The following SLC24A2 variants were observed in gnomAD, a reference collection of about 807,000 sequenced individuals.
SLC24A2 encodes the protein sodium/potassium/calcium exchanger 2.
A neutral mutation model predicts 62.0 loss-of-function variants in SLC24A2; 36 were observed. The observed-to-expected ratio is 0.58, with a 90% CI of 0.44 to 0.77. The LOEUF (loss-of-function observed/expected upper bound fraction) is 0.77, where lower values mean the gene tolerates loss of function less well. SLC24A2 is among the 30% of genes least tolerant of loss of function. The pLI, the probability that SLC24A2 is intolerant of heterozygous loss-of-function variation, is 0.00. For synonymous variants in SLC24A2, 358 were observed against 294.0 expected, an observed-to-expected ratio of 1.22 and a Z score of -2.23; for missense variants, 846 against 817.9, an observed-to-expected ratio of 1.03 and a Z score of -0.42.
At chr9:19,522,617 G>A (rs1833255721) in intron 9 of SLC24A2, among the ~76,000 whole-genome samples, 1 of 152,146 alleles carries the variant, frequency 6.6e-6, no homozygotes, top group Admixed American at 6.5e-5. Flanking sequence ...AGCTTACCCT[G>A]TCCTCATGGG....
the SLC24A2 span, among the ~76,000 whole-genome samples, chr9:20,301,343 G>T: frequency 6.6e-6 from 1 of 151,866 alleles, no homozygotes; most frequent in Non-Finnish European, 1.5e-5. Flanking sequence ...TATAAAAATG[G>T]TATAGGTTCA....
the SLC24A2 span, among the ~76,000 whole-genome samples, chr9:19,982,809 TA>T: frequency 6.6e-6 from 1 of 152,096 alleles, no homozygotes; most frequent in Non-Finnish European, 1.5e-5. Flanking sequence ...TGAGAACATG[TA>T]AAAGGCTTAT....
At chr9:20,236,012 G>A in the SLC24A2 span, among the ~76,000 whole-genome samples, 14 of 152,302 alleles carry the variant, frequency 9.2e-5, no homozygotes, top group Admixed American at 5.9e-4. Context: ...CTCAATTGAT[G>A]TTTGTTGAAT....
At chr9:20,046,292 G>C in the SLC24A2 span, among the ~76,000 whole-genome samples, 1 of 152,312 alleles carries the variant, frequency 6.6e-6, no homozygotes, top group Admixed American at 6.5e-5. Context: ...TCTGAAGTAA[G>C]TAAGGAAAGA....
the SLC24A2 span, among the ~76,000 whole-genome samples, chr9:20,049,161 C>A: frequency 4.6e-5 from 7 of 152,186 alleles, no homozygotes; most frequent in African/African-American, 1.7e-4. Flanking sequence ...AGATGGGCAG[C>A]AAACTCTATT....
the SLC24A2 span, among the ~76,000 whole-genome samples, chr9:20,053,054 G>C: frequency 6.6e-6 from 1 of 152,166 alleles, no homozygotes; most frequent in Admixed American, 6.5e-5. Flanking sequence ...ATTTGAAACT[G>C]ACTGAGATAT....
chr9:19,763,445 C>T (rs1822409281), intron 2 of SLC24A2, among the ~76,000 whole-genome samples: 1 of 152,178 alleles, frequency 6.6e-6, no homozygotes, highest in African/African-American at 2.4e-5. Context: ...ATGATATTGG[C>T]TGTGAGTTTG....
chr9:19,819,690 T>TA, the SLC24A2 span, among the ~76,000 whole-genome samples: 223 of 151,676 alleles, frequency 1.5e-3, no homozygotes, highest in East Asian at 0.011. Context: ...ATGGCCATAA[T>TA]AAAAAAACCA....
At chr9:20,141,146 A>C in the SLC24A2 span, among the ~76,000 whole-genome samples, 3 of 152,264 alleles carry the variant, frequency 2.0e-5, no homozygotes, top group East Asian at 3.9e-4. Flanking sequence ...CATGTCTACA[A>C]ATTGAAAACC....
chr9:19,877,785 G>T, the SLC24A2 span, among the ~76,000 whole-genome samples: 1 of 152,054 alleles, frequency 6.6e-6, no homozygotes, highest in African/African-American at 2.4e-5. Flanking sequence ...GATATTAAAG[G>T]GAACAGTGAA....
At chr9:20,211,241 G>A in the SLC24A2 span, among the ~76,000 whole-genome samples, 1 of 152,062 alleles carries the variant, frequency 6.6e-6, no homozygotes, top group Non-Finnish European at 1.5e-5. Context: ...GGCCGGGCGC[G>A]GTGGCTCACA....
intron 2 of SLC24A2, among the ~76,000 whole-genome samples, chr9:19,673,700 T>C (rs1338156034): frequency 1.3e-5 from 2 of 152,220 alleles, no homozygotes; most frequent in Non-Finnish European, 2.9e-5. Flanking sequence ...TCCACCTGCT[T>C]TGGCCTCCCA....
chr9:20,097,885 G>A, the SLC24A2 span, among the ~76,000 whole-genome samples: 1 of 151,528 alleles, frequency 6.6e-6, no homozygotes, highest in Non-Finnish European at 1.5e-5. Flanking sequence ...TGGGACTACA[G>A]GCGCTCGACA....
At chr9:19,754,670 TGTG>T (rs1160825467) in intron 2 of SLC24A2, among the ~76,000 whole-genome samples, 1 of 151,572 alleles carries the variant, frequency 6.6e-6, no homozygotes, top group African/African-American at 2.4e-5. Context: ...TTTAATAACC[TGTG>T]GTGTTTTGTA....
chr9:19,864,942 A>G, the SLC24A2 span, among the ~76,000 whole-genome samples: 1 of 152,144 alleles, frequency 6.6e-6, no homozygotes, highest in Non-Finnish European at 1.5e-5. Context: ...GAATAACCTA[A>G]AGACTCCACC....
chr9:20,058,749 G>A, the SLC24A2 span, among the ~76,000 whole-genome samples: 1 of 152,200 alleles, frequency 6.6e-6, no homozygotes, highest in African/African-American at 2.4e-5. Flanking sequence ...CTGGGCAACA[G>A]GGTGAAACCC....
upstream of SLC24A2, among the ~76,000 whole-genome samples, chr9:19,790,816 T>C (rs899003672): frequency 1.3e-5 from 2 of 152,182 alleles, no homozygotes; most frequent in African/African-American, 4.8e-5. Flanking sequence ...CCTGAGGCAA[T>C]AGGTGCCTCT....
intron 2 of SLC24A2, among the ~76,000 whole-genome samples, chr9:19,674,047 C>G (rs1819496262): frequency 6.6e-6 from 1 of 152,140 alleles, no homozygotes; most frequent in Non-Finnish European, 1.5e-5. Flanking sequence ...CTTCTTTTAG[C>G]AGTTCTTATA....
At chr9:19,780,872 CAAAA>C (rs373405657) in intron 2 of SLC24A2, among the ~76,000 whole-genome samples, 1 of 36,254 alleles carries the variant, frequency 2.8e-5, no homozygotes, top group African/African-American at 8.7e-5. Flanking sequence ...GACTCCGTCT[CAAAA>C]AAAAAAAAAA....
Sources: gnomAD v4.1 joint callset for allele counts (sites outside exome capture counted in the v4.1 genomes callset) on GRCh38, gnomAD v4.1.1 for gene constraint, MANE v1.5 for transcripts, NCBI Gene and HGNC (gene_info 2026-07-23, HGNC 2026-07-21) for gene names.